The following MEF2C variants were observed in gnomAD, a reference collection of about 807,000 sequenced individuals.
The protein encoded by MEF2C is myocyte enhancer factor 2C.
Under a neutral mutation model 50.5 loss-of-function variants are expected in MEF2C, and 6 were observed. The observed-to-expected ratio is 0.12, with a 90% CI of 0.07 to 0.23. The LOEUF is 0.23. Ranked by LOEUF, MEF2C falls within the 10% of genes least tolerant of loss-of-function variation. MEF2C has a pLI of 1.00. For synonymous variants in MEF2C, 183 were observed against 228.0 expected (o/e 0.80, Z 1.78); for missense variants, 276 against 605.0 (o/e 0.46, Z 5.70).
intron 4 of MEF2C, among the ~76,000 whole-genome samples, chr5:88,754,741 T>G (rs1303550565): frequency 5.9e-5 from 9 of 152,226 alleles, no homozygotes; most frequent in African/African-American, 2.2e-4. Flanking sequence ...GAAATTAGAT[T>G]GACCCTTTAA....
chr5:88,826,576 G>C (rs1810943140), intron 1 of MEF2C, among the ~76,000 whole-genome samples: 2 of 151,894 alleles, frequency 1.3e-5, no homozygotes, highest in African/African-American at 4.8e-5. Flanking sequence ...CTCACGCATT[G>C]TTTTCTTAGC....
At chr5:88,806,268 A>G (rs537434537) in intron 2 of MEF2C, among the ~76,000 whole-genome samples, 2 of 152,238 alleles carry the variant, frequency 1.3e-5, no homozygotes, top group Admixed American at 1.3e-4. Context: ...AGGCCAGCTC[A>G]TTTTATCACA....
chr5:88,804,921 C>T (rs948480274), intron 2 of MEF2C, 120 bp from the exon 3 acceptor site: 3 of 673,542 alleles, frequency 4.5e-6, no homozygotes, highest in African/African-American at 1.8e-5. Flanking sequence ...GCCCTGGGCA[C>T]TAACACATTC....
At chr5:88,873,069 A>T (rs773607273) in intron 1 of MEF2C, among the ~76,000 whole-genome samples, 2 of 151,600 alleles carry the variant, frequency 1.3e-5, no homozygotes, top group Admixed American at 6.6e-5. Flanking sequence ...ACACACACAC[A>T]CTCACACCGT....
rs565474584 is a variant in MEF2C, at chr5:88,766,922, G to A, written c.259-5594C>T. On this transcript the variant is annotated intron_variant, in intron 3 of 10. Transcript: ENST00000504921. ...TGCTTGTCGTTCACAGCTTTATGAA[G>A]ATAAGTATCTACTCTTAACAAGCTG... is the stretch of plus-strand genomic sequence containing the variant. 1.6e-5 allele frequency: 8 copies of A among 500,208 alleles called. No homozygotes were observed. The South Asian group carries it at 6.9e-4, about 43-fold the overall frequency. The allele number at this position is 500,208 out of a possible 1,614,324, so 31.0% of individuals were successfully genotyped here.
intron 6 of MEF2C, chr5:88,734,216 C>T (rs1029712256): frequency 1.0e-6 from 1 of 985,148 alleles, no homozygotes. Flanking sequence ...CAATTCTGCT[C>T]TATACTTTGC....
At chr5:88,774,054 T>A (rs1783639686) in intron 3 of MEF2C, among the ~76,000 whole-genome samples, 1 of 152,080 alleles carries the variant, frequency 6.6e-6, no homozygotes, top group Admixed American at 6.6e-5. Context: ...AGACTTAGCA[T>A]AAGGACAGGA....
intron 8 of MEF2C, 32 bp from the exon 9 acceptor site, chr5:88,729,379 G>T: frequency 1.9e-6 from 3 of 1,545,722 alleles, no homozygotes; most frequent in Non-Finnish European, 2.6e-6. Flanking sequence ...CATTACTGAT[G>T]AATTTTTTTA....
intron 5 of MEF2C, 66 bp from the exon 6 acceptor site, chr5:88,749,183 T>A: frequency 6.9e-7 from 1 of 1,452,120 alleles, no homozygotes; most frequent in African/African-American, 1.4e-5. Flanking sequence ...ACACTTTACC[T>A]TCAGCAACCT....
intron 3 of MEF2C, among the ~76,000 whole-genome samples, chr5:88,780,579 T>G (rs560646342): frequency 9.1e-4 from 139 of 152,308 alleles, no homozygotes; most frequent in African/African-American, 3.2e-3. Context: ...CCTGGCTCAT[T>G]TCCAAGAGTA....
chr5:88,864,827 C>A (rs1009999860), intron 1 of MEF2C, among the ~76,000 whole-genome samples: 27 of 150,582 alleles, frequency 1.8e-4, no homozygotes, highest in African/African-American at 6.6e-4. Context: ...AGTGCAATGG[C>A]GCAATCTCGG....
At chr5:88,902,320 C>A (rs987887069) in intron 1 of MEF2C, among the ~76,000 whole-genome samples, 2 of 151,564 alleles carry the variant, frequency 1.3e-5, no homozygotes, top group African/African-American at 2.4e-5. Flanking sequence ...AGCTTGAAAT[C>A]GCAATAAATA....
At chr5:88,889,200 C>T (rs533938573) in intron 1 of MEF2C, 4 of 152,216 alleles carry the variant, frequency 2.6e-5, no homozygotes, top group Non-Finnish European at 4.4e-5. Context: ...ACTCACTCCG[C>T]TGAGTTATTG....
At chr5:88,762,477 A>C (rs1196472579) in intron 3 of MEF2C, among the ~76,000 whole-genome samples, 1 of 152,142 alleles carries the variant, frequency 6.6e-6, no homozygotes, top group East Asian at 1.9e-4. Context: ...CATGTTGGCC[A>C]GGTTGGTCTC....
rs576303607 is a variant in MEF2C at position 88,816,753 on chromosome 5, T to C, written c.54+6982A>G. Among the ~76,000 whole-genome samples, 11 of 152,038 alleles carry C rather than the reference T, an allele frequency of 7.2e-5. No homozygotes were observed. The East Asian group carries it at 2.1e-3, about 29-fold the overall frequency. ...CTATGACACACCCTTATTTTATTTA[T>C]ATGAAATAAGTTTAGTATAATTTTT... On this transcript the variant is annotated intron_variant, in intron 2 of 10. Coordinates refer to ENST00000504921, the MANE Select transcript of MEF2C (RefSeq NM_002397.5).
At chr5:88,771,504 T>C (rs2152776810) in intron 3 of MEF2C, 1 of 985,362 alleles carries the variant, frequency 1.0e-6, no homozygotes. Flanking sequence ...CTCTTTTTTA[T>C]ATGTGGTATG....
chr5:88,837,162 A>C (rs1170762552), intron 1 of MEF2C, among the ~76,000 whole-genome samples: 1 of 152,298 alleles, frequency 6.6e-6, no homozygotes, highest in Non-Finnish European at 1.5e-5. Context: ...TGCTAGCTTT[A>C]AAGAAAATAA....
chr5:88,848,476 T>C (rs1373992082), intron 1 of MEF2C, among the ~76,000 whole-genome samples: 1 of 152,230 alleles, frequency 6.6e-6, no homozygotes, highest in Non-Finnish European at 1.5e-5. Context: ...TAATAGGCAA[T>C]ATGCTAAGTG....
intron 1 of MEF2C, among the ~76,000 whole-genome samples, chr5:88,852,591 C>T (rs755616726): frequency 3.3e-5 from 5 of 152,184 alleles, no homozygotes; most frequent in Admixed American, 6.5e-5. Flanking sequence ...GTAGTTCTAG[C>T]TGGGCACGGT....
Sources: gnomAD v4.1 joint callset for allele counts (sites outside exome capture counted in the v4.1 genomes callset) on GRCh38, gnomAD v4.1.1 for gene constraint, MANE v1.5 for transcripts, NCBI Gene and HGNC (gene_info 2026-07-23, HGNC 2026-07-21) for gene names.